The following SLC39A11 variants were observed in gnomAD, a reference collection of about 807,000 sequenced individuals.
SLC39A11 encodes zinc transporter ZIP11.
Under a neutral mutation model 36.1 loss-of-function variants are expected in SLC39A11, and 33 were observed. The observed-to-expected ratio is 0.91, with a 90% CI of 0.69 to 1.22. SLC39A11 has a LOEUF of 1.22. Among genes scored for constraint, SLC39A11 ranks in the 50% most tolerant of loss-of-function variants. The pLI, the probability that SLC39A11 is intolerant of heterozygous loss-of-function variation, is 0.00. For missense variants in SLC39A11, 432 were observed against 430.3 expected, an observed-to-expected ratio of 1.00 and a Z score of -0.03; for synonymous variants, 166 against 170.3, an observed-to-expected ratio of 0.97 and a Z score of 0.20.
intron 5 of SLC39A11, among the ~76,000 whole-genome samples, chr17:72,944,515 T>C (rs534264617): frequency 2.0e-5 from 3 of 150,110 alleles, no homozygotes; most frequent in East Asian, 4.0e-4. Flanking sequence ...ATATAACTTA[T>C]AGTCCCTTGC....
intron 6 of SLC39A11, among the ~76,000 whole-genome samples, chr17:72,802,838 T>G (rs1464560296): frequency 2.0e-5 from 3 of 152,066 alleles, no homozygotes; most frequent in Admixed American, 6.6e-5. Flanking sequence ...TCAGCTGGTT[T>G]TATTTCCAGA....
chr17:72,817,359 G>A (rs1273598610), intron 6 of SLC39A11, among the ~76,000 whole-genome samples: 1 of 150,482 alleles, frequency 6.6e-6, no homozygotes, highest in East Asian at 2.0e-4. Context: ...AGGGGGAGGA[G>A]GAGGAGGAGG....
At chr17:72,708,939 TC>T (rs1403932763) in intron 7 of SLC39A11, among the ~76,000 whole-genome samples, 2 of 134,936 alleles carry the variant, frequency 1.5e-5, no homozygotes, top group Non-Finnish European at 3.1e-5. Flanking sequence ...TTTTTTCTTT[TC>T]TTTTTTTTTT....
intron 6 of SLC39A11, among the ~76,000 whole-genome samples, chr17:72,783,842 C>T (rs1258843713): frequency 6.6e-6 from 1 of 152,158 alleles, no homozygotes; most frequent in South Asian, 2.1e-4. Context: ...GCTGACACTT[C>T]CAAGGAGCTG....
chr17:72,958,431 GA>G (rs1323417125), intron 4 of SLC39A11, among the ~76,000 whole-genome samples: 1 of 152,230 alleles, frequency 6.6e-6, no homozygotes, highest in Non-Finnish European at 1.5e-5. Context: ...CAAAGTGGGA[GA>G]AAATCTTCAC....
At chr17:72,870,380 A>T (rs1314906238) in intron 5 of SLC39A11, among the ~76,000 whole-genome samples, 1 of 152,184 alleles carries the variant, frequency 6.6e-6, no homozygotes. Flanking sequence ...GTGTTTATCC[A>T]CCTGCAAGGG....
chr17:72,877,199 G>A (rs188226470), intron 5 of SLC39A11, among the ~76,000 whole-genome samples: 23 of 152,328 alleles, frequency 1.5e-4, no homozygotes, highest in African/African-American at 5.1e-4. Context: ...TATAAAAAAT[G>A]ATGGTGTGTG....
In SLC39A11 at chr17:72,798,414, C is replaced by CTTTTTTTTTT. The variant is rs145211486; in HGVS notation, c.601+51219_601+51220insAAAAAAAAAA. ...GAGCTCTGGTCTCTTCCACTTCTTT[C>CTTTTTTTTTT]TTTCTTTTTTTTTTTTTGAGATGGA... On this transcript the variant is annotated intron_variant, in intron 6 of 9. Transcript: ENST00000255559. Among the ~76,000 whole-genome samples the CTTTTTTTTTT allele has an allele frequency of 1.1e-4, 16 of 140,626 alleles. 6 individuals carry two copies. The highest frequency in any genetic ancestry group is 1.2e-4 in the Non-Finnish European group (8 of 64,934). The allele number at this position is 140,626 out of a possible 152,430, so 92.3% of individuals were successfully genotyped here.
At position 72,647,501 on chromosome 17, in the gene SLC39A11, A is replaced by G; in HGVS notation, c.*83T>C. On this transcript the variant is annotated 3_prime_UTR_variant, in exon 10 of 10. Transcript: ENST00000255559. Reference sequence around the variant, plus strand: ...GAGGAAGGAAAAAAGTTTTAATGTGAAGAAAGAAGCTTGTTGTCCCATAGA... The same window carrying G: ...GAGGAAGGAAAAAAGTTTTAATGTGGAGAAAGAAGCTTGTTGTCCCATAGA... 1.7e-6 allele frequency: 2 copies of G among 1,161,162 alleles called. No individual in the cohort carries two copies. The highest frequency in any genetic ancestry group is 2.5e-6 in the Non-Finnish European group (2 of 805,748). The allele number at this position is 1,161,162 out of a possible 1,614,324, so 71.9% of individuals were successfully genotyped here.
chr17:73,074,627 C>A (rs1235553452), intron 3 of SLC39A11, among the ~76,000 whole-genome samples: 2 of 152,252 alleles, frequency 1.3e-5, no homozygotes, highest in African/African-American at 4.8e-5. Flanking sequence ...TTCTTTCCAT[C>A]CAGCTCTCTT....
At chr17:72,757,937 G>C (rs906414138) in intron 6 of SLC39A11, among the ~76,000 whole-genome samples, 1 of 152,162 alleles carries the variant, frequency 6.6e-6, no homozygotes, top group Admixed American at 6.5e-5. Context: ...CCAGGCTGGA[G>C]TGCAGTGGCG....
chr17:72,722,741 T>C (rs2713963), intron 7 of SLC39A11, among the ~76,000 whole-genome samples: 54,140 of 151,942 alleles, frequency 0.36, 10,228 homozygotes, highest in Non-Finnish European at 0.42. Context: ...TTCAAGCGAT[T>C]CTCCTGCCTC....
intron 5 of SLC39A11, among the ~76,000 whole-genome samples, chr17:72,854,515 G>A (rs1407385341): frequency 6.6e-6 from 1 of 152,034 alleles, no homozygotes; most frequent in Non-Finnish European, 1.5e-5. Flanking sequence ...ATAGTAGTAT[G>A]TGTTAACCCA....
intron 6 of SLC39A11, among the ~76,000 whole-genome samples, chr17:72,781,840 G>A (rs1246709091): frequency 1.3e-5 from 2 of 150,240 alleles, no homozygotes; most frequent in East Asian, 1.9e-4. Context: ...CAGACTCTCG[G>A]TACATTTCAT....
chr17:73,090,738 G>C (rs2060896032), intron 1 of SLC39A11, among the ~76,000 whole-genome samples: 1 of 152,186 alleles, frequency 6.6e-6, no homozygotes, highest in Non-Finnish European at 1.5e-5. Flanking sequence ...CTGGTGAACA[G>C]AACAGAGGGA....
chr17:72,729,145 T>C (rs1466827023), intron 7 of SLC39A11, among the ~76,000 whole-genome samples: 1 of 152,072 alleles, frequency 6.6e-6, no homozygotes, highest in Non-Finnish European at 1.5e-5. Flanking sequence ...TCTTGGGTGA[T>C]GTCTCTTGCC....
chr17:72,938,283 A>G (rs2084894203), intron 5 of SLC39A11, among the ~76,000 whole-genome samples: 1 of 152,112 alleles, frequency 6.6e-6, no homozygotes, highest in Non-Finnish European at 1.5e-5. Context: ...TCCTTTCTTT[A>G]GGGAAGTGTT....
intron 6 of SLC39A11, among the ~76,000 whole-genome samples, chr17:72,805,245 C>A (rs1431451112): frequency 6.6e-6 from 1 of 152,104 alleles, no homozygotes; most frequent in African/African-American, 2.4e-5. Flanking sequence ...TTGAGAAACC[C>A]CCTACTTCCA....
At chr17:72,874,762 T>C (rs147885197) in intron 5 of SLC39A11, among the ~76,000 whole-genome samples, 31 of 152,322 alleles carry the variant, frequency 2.0e-4, no homozygotes, top group African/African-American at 7.5e-4. Flanking sequence ...GTTTTGTCTG[T>C]ATTGGCCATA....
Sources: allele counts gnomAD v4.1 joint callset (sites outside exome capture counted in the v4.1 genomes callset), GRCh38; gene constraint gnomAD v4.1.1; transcripts MANE v1.5; gene names NCBI Gene and HGNC (gene_info 2026-07-23, HGNC 2026-07-21).